Variants in PPP1R21 observed in about 807,000 individuals in gnomAD.
PPP1R21 encodes the protein KLRAQ motif containing 1.
PPP1R21 carries 85 observed loss-of-function variants against 112.8 expected under a neutral mutation model. The ratio of observed to expected loss-of-function variants is 0.75; its 90% CI spans 0.63 to 0.90. The LOEUF is 0.90. Ranked by LOEUF, PPP1R21 falls within the 40% of genes least tolerant of loss-of-function variation. The pLI is 0.00. For missense variants in PPP1R21, 1,199 were observed against 901.5 expected, an observed-to-expected ratio of 1.33 and a Z score of -4.23; for synonymous variants, 381 against 322.3, an observed-to-expected ratio of 1.18 and a Z score of -1.95.
Position 48,454,712 on chromosome 2 carries a change from C to G in PPP1R21, c.244C>G (p.Leu82Val), listed in dbSNP as rs1667637402. The stretch of plus-strand genomic sequence containing the variant: ...AGAACTACTTCAAGATGAACTAGCT[C>G]TAAGTGAACCACGAGGCAAGAAAAA... ...RVELLQDELALSEPRGKKNKK... is the reference protein window; with the variant it reads ...RVELLQDELAVSEPRGKKNKK... Residue 82 changes from leucine (L) to valine (V), a missense_variant, in exon 3 of 22, where the codon CTA becomes GTA. Transcript: ENST00000294952. 4 of 1,614,096 alleles carry G rather than the reference C, an allele frequency of 2.5e-6. No individual in the cohort carries two copies. The highest frequency in any genetic ancestry group is 1.1e-5 in the South Asian group (1 of 91,076).
chr2:48,440,930 G>C lies in PPP1R21; in HGVS notation c.-24G>C. The C allele has an allele frequency of 6.3e-7, 1 of 1,587,840 alleles. No homozygotes were observed. On this transcript the variant is annotated 5_prime_UTR_variant, in exon 1 of 22. Transcript: ENST00000294952. ...ACAGGCTGAGCCGCCTGGGCGGCCT[G>C]GCCTGTACGGGGCGGGGGAGGCCAT...
rs1670798066 is a variant in PPP1R21 at position 48,514,731 on chromosome 2, A to T, written c.2330A>T (p.Asn777Ile). 6.2e-7 allele frequency: 1 copy of T among 1,610,926 alleles called. No homozygotes were observed. Among genetic ancestry groups the T allele is most frequent in the Non-Finnish European group, 8.5e-7 (1 of 1,178,254 alleles). The change falls in exon 22 of 22, where the codon AAC (asparagine) becomes ATC (isoleucine). Residue 777 changes from asparagine to isoleucine, a missense_variant. Transcript: ENST00000294952. ...TTTGCACAGGGGAATTCTAAAAAGA[A>T]CAAGAGTCGATAGTTTTGAAATAGC... Reference protein sequence around the residue: ...KMSSKGNSKKNKSR With the variant: ...KMSSKGNSKKIKSR
chr2:48,505,417 G>C, intron 17 of PPP1R21, 147 bp from the exon 18 acceptor site: 1 of 620,668 alleles, frequency 1.6e-6, no homozygotes. Context: ...TCATGTCCTT[G>C]TAGTAAAAGA....
intron 15 of PPP1R21, among the ~76,000 whole-genome samples, chr2:48,493,408 G>C (rs1371449552): frequency 2.0e-5 from 3 of 152,128 alleles, no homozygotes; most frequent in African/African-American, 4.8e-5. Context: ...TCCCTAGTTT[G>C]CTGTAATAGT....
At chr2:48,444,944 G>A (rs1421341300) in intron 1 of PPP1R21, among the ~76,000 whole-genome samples, 2 of 149,982 alleles carry the variant, frequency 1.3e-5, no homozygotes, top group Non-Finnish European at 3.0e-5. Context: ...TGCAATTGAT[G>A]CTTCCTTTGC....
At chr2:48,454,014 T>G (rs577325870) in intron 2 of PPP1R21, among the ~76,000 whole-genome samples, 2 of 152,178 alleles carry the variant, frequency 1.3e-5, no homozygotes, top group Non-Finnish European at 2.9e-5. Context: ...AACCCAGCAC[T>G]TTGGGAGGCC....
chr2:48,486,757 A>C lies in PPP1R21; in HGVS notation c.1445A>C (p.Lys482Thr). The change falls in exon 14 of 22, where the codon AAG (lysine) becomes ACG (threonine). Residue 482 changes from lysine (K) to threonine (T), a missense_variant and splice_region_variant. By Grantham distance (78) the Lys-to-Thr change is moderately conservative. Transcript: ENST00000294952. ...SVVALTNGAG[K>T]IASFFSNNLD... Reference sequence around the variant, plus strand: ...GTGGCATTAACAAATGGAGCAGGAAAGGTAATTCTCTTCTGGCGTATATTG... The same window carrying C: ...GTGGCATTAACAAATGGAGCAGGAACGGTAATTCTCTTCTGGCGTATATTG... The C allele has an allele frequency of 6.2e-7, 1 of 1,611,714 alleles. No individual in the cohort carries two copies. Among genetic ancestry groups the C allele is most frequent in the South Asian group, 1.1e-5 (1 of 90,482 alleles).
intron 9 of PPP1R21, among the ~76,000 whole-genome samples, chr2:48,469,186 GTAGGAATT>G (rs1668345596): frequency 6.7e-6 from 1 of 149,778 alleles, no homozygotes; most frequent in South Asian, 2.1e-4. Flanking sequence ...CCCACAACAT[GTAGGAATT>G]CTGGGAGATA....
chr2:48,443,013 T>C (rs556581919), intron 1 of PPP1R21, among the ~76,000 whole-genome samples: 1 of 152,212 alleles, frequency 6.6e-6, no homozygotes, highest in African/African-American at 2.4e-5. Flanking sequence ...TGAAATAGTT[T>C]TGGGGAGAGT....
intron 9 of PPP1R21, among the ~76,000 whole-genome samples, chr2:48,468,843 G>GTGTGTGTGTGTGTGTGTGTATGTATA (rs1668324135): frequency 6.6e-6 from 1 of 151,392 alleles, no homozygotes; most frequent in African/African-American, 2.4e-5. Context: ...GTGTGTGTGT[G>GTGTGTGTGTGTGTGTGTGTATGTATA]TGTGTGTGTG....
Position 48,459,801 on chromosome 2 carries a change from G to A in PPP1R21, c.423G>A (p.Arg141=). 6.2e-7 allele frequency: 1 copy of A among 1,614,056 alleles called. No homozygotes were observed. Residue 141 remains arginine (R), a synonymous_variant, in exon 5 of 22, where the codon AGG becomes AGA. Transcript: ENST00000294952. ...EQHKHVEAEL[R]SRLATLETEA... ...ACAAGCATGTGGAAGCAGAGCTGAG[G>A]AGTCGACTGGCCACTCTGGAGACAG...
intron 21 of PPP1R21, among the ~76,000 whole-genome samples, chr2:48,514,021 A>G (rs556918225): frequency 6.6e-6 from 1 of 151,286 alleles, no homozygotes; most frequent in Non-Finnish European, 1.5e-5. Context: ...GTTATTACCT[A>G]TTAAGACCTT....
chr2:48,450,761 C>G (rs914656696), intron 1 of PPP1R21, among the ~76,000 whole-genome samples: 1 of 151,480 alleles, frequency 6.6e-6, no homozygotes, highest in African/African-American at 2.4e-5. Flanking sequence ...ATTTTAGTCC[C>G]ATTTTTGCCA....
chr2:48,502,651 A>G (rs900074196), intron 17 of PPP1R21, among the ~76,000 whole-genome samples: 2 of 151,986 alleles, frequency 1.3e-5, no homozygotes, highest in Non-Finnish European at 2.9e-5. Context: ...TGAGGCAGAA[A>G]AAGTAACCTC....
At chr2:48,500,743 C>G (rs2103642389) in intron 17 of PPP1R21, among the ~76,000 whole-genome samples, 1 of 152,182 alleles carries the variant, frequency 6.6e-6, no homozygotes, top group South Asian at 2.1e-4. Flanking sequence ...CCCATCTCTA[C>G]TAAAATACAG....
chr2:48,506,736 G>C (rs1355835125), intron 18 of PPP1R21, among the ~76,000 whole-genome samples: 1 of 152,108 alleles, frequency 6.6e-6, no homozygotes, highest in African/African-American at 2.4e-5. Context: ...ACAAGGTCAG[G>C]AGATCGAGAC....
chr2:48,489,619 C>T (rs180730328), intron 14 of PPP1R21, among the ~76,000 whole-genome samples: 136 of 151,990 alleles, frequency 8.9e-4, no homozygotes, highest in Middle Eastern at 3.4e-3. Context: ...GGATTACAGG[C>T]GTGAGCCACT....
chr2:48,480,527 T>G (rs1258144874), intron 13 of PPP1R21, among the ~76,000 whole-genome samples: 1 of 152,226 alleles, frequency 6.6e-6, no homozygotes, highest in Non-Finnish European at 1.5e-5. Flanking sequence ...CAGTTTTCAA[T>G]TGCTTCTGTG....
At chr2:48,494,187 C>T (rs369540884) in intron 15 of PPP1R21, among the ~76,000 whole-genome samples, 2 of 124,434 alleles carry the variant, frequency 1.6e-5, no homozygotes, top group East Asian at 2.7e-4. Flanking sequence ...TGCAGTGAGT[C>T]GTGATCACGC....
Sources: allele counts gnomAD v4.1 joint callset (sites outside exome capture counted in the v4.1 genomes callset), GRCh38; gene constraint gnomAD v4.1.1; transcripts MANE v1.5; gene names NCBI Gene and HGNC (gene_info 2026-07-23, HGNC 2026-07-21).